PDE1C: variants seen among roughly 807,000 people sequenced by gnomAD.
PDE1C encodes phosphodiesterase 1C.
A neutral mutation model predicts 93.1 loss-of-function variants in PDE1C; 62 were observed. The observed-to-expected ratio is 0.67, with a 90% CI of 0.54 to 0.82. The LOEUF (loss-of-function observed/expected upper bound fraction) is 0.82, where lower values mean the gene tolerates loss of function less well. Among genes scored for constraint, PDE1C ranks in the 40% least tolerant of loss-of-function variants. The probability of loss-of-function intolerance (pLI) is 0.00; values close to 1 mark genes in which losing one functional copy is unlikely to be tolerated. For synonymous variants in PDE1C, 325 were observed against 310.1 expected (o/e 1.05, Z -0.50); for missense variants, 742 against 884.6 (o/e 0.84, Z 2.04).
the PDE1C span, among the ~76,000 whole-genome samples, chr7:31,623,110 C>G: frequency 1.0e-3 from 159 of 152,284 alleles, no homozygotes; most frequent in African/African-American, 3.7e-3. Context: ...TGGCAATAAT[C>G]AGTAGCTTAC....
In PDE1C at chr7:32,205,819, C is replaced by T. The variant is rs538736499; in HGVS notation, c.136+3670G>A. On this transcript the variant is annotated intron_variant, in intron 2 of 18. Transcript: ENST00000396193. Reference sequence around the variant, plus strand: ...TGCCACCTTTAAGAGCTGTAACAGTCATTGCCAAGGTCTGCAGCTTCACCC... The same window carrying T: ...TGCCACCTTTAAGAGCTGTAACAGTTATTGCCAAGGTCTGCAGCTTCACCC... Among the ~76,000 whole-genome samples, 31 of 152,146 alleles carry T rather than the reference C, an allele frequency of 2.0e-4. 1 individual carries two copies. Among genetic ancestry groups the T allele is most frequent in the Non-Finnish European group, 4.0e-4 (27 of 68,030 alleles).
chr7:31,925,039 CTGTGTGTGTGTGTG>C (rs70989622), intron 2 of PDE1C, among the ~76,000 whole-genome samples: 5,262 of 135,370 alleles, frequency 0.039, 196 homozygotes, highest in African/African-American at 0.097. Context: ...GTAGACATTT[CTGTGTGTGTGTGTG>C]TGTGTGTGTG....
chr7:31,867,494 C>T (rs1438934689), intron 6 of PDE1C, among the ~76,000 whole-genome samples: 1 of 152,124 alleles, frequency 6.6e-6, no homozygotes, highest in Non-Finnish European at 1.5e-5. Flanking sequence ...CCCACTCAAA[C>T]TGATGCTGCC....
intron 3 of PDE1C, among the ~76,000 whole-genome samples, chr7:32,146,910 A>T (rs1218577289): frequency 6.6e-6 from 1 of 152,176 alleles, no homozygotes; most frequent in African/African-American, 2.4e-5. Flanking sequence ...ATTGTTTATA[A>T]GAGTATAAAC....
intron 1 of PDE1C, among the ~76,000 whole-genome samples, chr7:32,358,585 T>C (rs1301399323): frequency 6.6e-6 from 1 of 152,132 alleles, no homozygotes; most frequent in Non-Finnish European, 1.5e-5. Flanking sequence ...TGAGCCTGCA[T>C]GGATAACTCT....
intron 1 of PDE1C, among the ~76,000 whole-genome samples, chr7:32,416,180 G>A (rs1309416177): frequency 6.6e-6 from 1 of 152,352 alleles, no homozygotes; most frequent in Non-Finnish European, 1.5e-5. Context: ...CCTGGGCCAC[G>A]CCAGCAGGAC....
intron 16 of PDE1C, among the ~76,000 whole-genome samples, chr7:31,793,859 A>G (rs1254854862): frequency 1.3e-5 from 2 of 152,092 alleles, no homozygotes; most frequent in South Asian, 2.1e-4. Flanking sequence ...ATATTATTAT[A>G]ATAGGATTAT....
At chr7:31,677,160 T>C in the PDE1C span, among the ~76,000 whole-genome samples, 1 of 152,194 alleles carries the variant, frequency 6.6e-6, no homozygotes, top group Non-Finnish European at 1.5e-5. Flanking sequence ...GAGGAAATAG[T>C]TTTGTGGATT....
At chr7:32,311,183 C>A (rs1300977225) in intron 1 of PDE1C, among the ~76,000 whole-genome samples, 1 of 152,186 alleles carries the variant, frequency 6.6e-6, no homozygotes, top group Non-Finnish European at 1.5e-5. Context: ...AACACATACA[C>A]CCTCCCAAGA....
At chr7:31,993,443 G>C (rs1007332982) in intron 2 of PDE1C, among the ~76,000 whole-genome samples, 1 of 152,134 alleles carries the variant, frequency 6.6e-6, no homozygotes, top group African/African-American at 2.4e-5. Flanking sequence ...AGTTAGAAGG[G>C]AACAAGAAAG....
intron 3 of PDE1C, among the ~76,000 whole-genome samples, chr7:32,163,850 G>A (rs1379404216): frequency 6.6e-6 from 1 of 152,156 alleles, no homozygotes; most frequent in Non-Finnish European, 1.5e-5. Context: ...AAAAGAAAGA[G>A]TTGGGGGTGT....
chr7:31,758,448 A>G (rs1015127059), intron 17 of PDE1C, among the ~76,000 whole-genome samples: 1 of 152,230 alleles, frequency 6.6e-6, no homozygotes, highest in African/African-American at 2.4e-5. Flanking sequence ...TGCTATTGAT[A>G]TAACAGTGAA....
intron 1 of PDE1C, among the ~76,000 whole-genome samples, chr7:32,222,403 G>A (rs1402700156): frequency 1.3e-5 from 2 of 152,152 alleles, no homozygotes; most frequent in Non-Finnish European, 2.9e-5. Context: ...CTAGCACAGG[G>A]CCTGGCACAC....
chr7:31,954,653 A>G lies in PDE1C; in HGVS notation c.129-73793T>C, dbSNP rs190298646. ...TAGTTATCTATCTATTCTTTTCTCCACTTATCTGTAACAGCTTGGTTTATC... is the reference window on the plus strand; with the variant it reads ...TAGTTATCTATCTATTCTTTTCTCCGCTTATCTGTAACAGCTTGGTTTATC... On this transcript the variant is annotated intron_variant, in intron 2 of 17. Coordinates refer to ENST00000396191, the MANE Select transcript of PDE1C (RefSeq NM_001191057.4). 4.5e-3 allele frequency among the ~76,000 whole-genome samples: 683 copies of G among 152,148 alleles called. 8 individuals carry two copies. Among genetic ancestry groups the G allele is most frequent in the African/African-American group, 0.016 (659 of 41,524 alleles).
chr7:31,806,006 T>G (rs189734128), intron 16 of PDE1C, among the ~76,000 whole-genome samples: 10 of 152,076 alleles, frequency 6.6e-5, no homozygotes, highest in Middle Eastern at 3.4e-3. Flanking sequence ...CAGTTCTTGT[T>G]ACTTATCTTT....
Position 31,775,694 on chromosome 7 carries a change from TG to T in PDE1C, c.1929del (p.Ser643ArgfsTer54). 6.2e-7 allele frequency: 1 copy of T among 1,612,840 alleles called. No individual in the cohort carries two copies. Among genetic ancestry groups the T allele is most frequent in the Non-Finnish European group, 8.5e-7 (1 of 1,179,846 alleles). ...AACGTAAGGCGACACGTGGAGCTGGTGCTTGGGGCTGGTGAGCCGTGAGAAC... is the reference window on the plus strand; with the variant it reads ...AACGTAAGGCGACACGTGGAGCTGGTCTTGGGGCTGGTGAGCCGTGAGAAC... ...KQRSHGSPAPSTSSTCRLTLP... is the reference protein window; with the variant it reads ...KQRSHGSPAPXTSSTCRLTLP... On this transcript the variant is annotated frameshift_variant, in exon 17 of 18. Coordinates refer to ENST00000396191, the MANE Select transcript of PDE1C (RefSeq NM_001191057.4). LOFTEE classifies it high-confidence loss of function.
the PDE1C span, among the ~76,000 whole-genome samples, chr7:31,666,768 A>G: frequency 1.3e-5 from 2 of 152,024 alleles, no homozygotes; most frequent in African/African-American, 4.8e-5. Context: ...TTTGTTGTCA[A>G]TACTCAGTTT....
chr7:32,298,623 G>A, intron 1 of PDE1C: 8 of 1,583,160 alleles, frequency 5.1e-6, no homozygotes, highest in Non-Finnish European at 6.9e-6. Context: ...CCCGAGCCAG[G>A]AGTCCGAGAG....
rs1185958583 is a variant in PDE1C at position 32,386,945 on chromosome 7, G to A, written c.310+40877C>T. Among the ~76,000 whole-genome samples, 3 of 150,974 alleles carry A rather than the reference G, an allele frequency of 2.0e-5. No individual in the cohort carries two copies. In the East Asian group the frequency reaches 5.8e-4, roughly 29 times the overall value. ...CAGAGGGGGATTTGGCAGGGTCATA[G>A]GACAATAGTGGAGGGAAGGTCAGCA... On this transcript the variant is annotated intron_variant, in intron 1 of 1. Coordinates refer to the PDE1C transcript ENST00000672256.
Sources: gnomAD v4.1 joint callset for allele counts (sites outside exome capture counted in the v4.1 genomes callset) on GRCh38, gnomAD v4.1.1 for gene constraint, MANE v1.5 for transcripts, NCBI Gene and HGNC (gene_info 2026-07-23, HGNC 2026-07-21) for gene names.